The following PHAX variants were observed in gnomAD, a reference collection of about 807,000 sequenced individuals.
PHAX encodes phosphorylated adaptor for RNA export.
Under a neutral mutation model 41.6 loss-of-function variants are expected in PHAX, and 31 were observed. That is an observed-to-expected ratio of 0.75 (90% confidence interval 0.56 to 1.01). The LOEUF (loss-of-function observed/expected upper bound fraction) is 1.01, where lower values mean the gene tolerates loss of function less well. PHAX is among the 50% of genes least tolerant of loss of function. PHAX has a pLI of 0.00. For synonymous variants in PHAX, 175 were observed against 164.9 expected, an observed-to-expected ratio of 1.06 and a Z score of -0.47; for missense variants, 453 against 472.9, an observed-to-expected ratio of 0.96 and a Z score of 0.39.
chr5:126,608,799 G>C (rs1387281877), intron 3 of PHAX, among the ~76,000 whole-genome samples: 3 of 151,980 alleles, frequency 2.0e-5, no homozygotes, highest in South Asian at 4.2e-4. Flanking sequence ...AGCCAAGCGT[G>C]GTGGCACATA....
At chr5:126,604,588 T>A (rs1294168743) in intron 2 of PHAX, among the ~76,000 whole-genome samples, 1 of 151,594 alleles carries the variant, frequency 6.6e-6, no homozygotes. Context: ...TTTATTTATT[T>A]GAGAAAGGAT....
chr5:126,609,095 A>AT (rs761125079), intron 3 of PHAX, among the ~76,000 whole-genome samples: 8,848 of 101,088 alleles, frequency 0.088, 860 homozygotes, highest in African/African-American at 0.17. Context: ...TAGGGGTTGA[A>AT]TTTTTTTTTT....
chr5:126,604,204 T>C, intron 2 of PHAX, 21 bp downstream of exon 2: 1 of 1,511,786 alleles, frequency 6.6e-7, no homozygotes. Context: ...GAATTACAAA[T>C]AAGTACTTGA....
At chr5:126,609,417 A>G (rs1752043841) in intron 3 of PHAX, among the ~76,000 whole-genome samples, 1 of 152,020 alleles carries the variant, frequency 6.6e-6, no homozygotes, top group South Asian at 2.1e-4. Context: ...TTGAAGTTTT[A>G]AGACGACAAA....
intron 3 of PHAX, among the ~76,000 whole-genome samples, chr5:126,609,166 TCTCGGCTCACTGCAAC>T (rs1212689080): frequency 7.3e-6 from 1 of 136,504 alleles, no homozygotes; most frequent in African/African-American, 2.8e-5. Context: ...AGTGGCGCAA[TCTCGGCTCACTGCAAC>T]CTCCGCCTCC....
At chr5:126,603,319 G>C (rs372026603) in intron 1 of PHAX, among the ~76,000 whole-genome samples, 2 of 152,192 alleles carry the variant, frequency 1.3e-5, no homozygotes, top group South Asian at 4.1e-4. Context: ...GGTGACAAGA[G>C]CTTTGGTAAT....
chr5:126,623,085 GAC>G (rs1476855722), intron 4 of PHAX, among the ~76,000 whole-genome samples: 3 of 151,396 alleles, frequency 2.0e-5, no homozygotes, highest in Non-Finnish European at 4.4e-5. Context: ...GAGATCAGAC[GAC>G]TACACTCCAG....
At chr5:126,610,791 C>A (rs1453086592) in intron 3 of PHAX, among the ~76,000 whole-genome samples, 1 of 152,072 alleles carries the variant, frequency 6.6e-6, no homozygotes, top group Admixed American at 6.6e-5. Flanking sequence ...ACTGTATCCT[C>A]CACCTCCCAG....
chr5:126,608,619 A>G (rs2112831383), intron 3 of PHAX, 135 bp downstream of exon 3: 1 of 686,960 alleles, frequency 1.5e-6, no homozygotes, highest in Admixed American at 2.8e-5. Flanking sequence ...TTTTTAAACT[A>G]TTATCAACAA....
chr5:126,611,743 A>G (rs1752104896), intron 3 of PHAX, among the ~76,000 whole-genome samples: 1 of 151,570 alleles, frequency 6.6e-6, no homozygotes, highest in African/African-American at 2.4e-5. Context: ...GTGAACTGTA[A>G]TCGTGCCACT....
rs903790705 is a variant in PHAX at position 126,624,653 on chromosome 5, A to G, written c.994A>G (p.Lys332Glu). The G allele has an allele frequency of 5.6e-6, 9 of 1,613,082 alleles. No homozygotes were observed. Among genetic ancestry groups the G allele is most frequent in the African/African-American group, 1.3e-5 (1 of 74,928 alleles). ...ARKRRTQVLGKKMKQAIKSLN... is the reference protein window; with the variant it reads ...ARKRRTQVLGEKMKQAIKSLN... ...GAAGAGGAGAACACAAGTGTTGGGG[A>G]AAAAGATGAAACAAGCTATTAAAAG... Residue 332 changes from lysine (K) to glutamate (E), a missense_variant, in exon 5 of 5, where the codon AAA becomes GAA. Transcript: ENST00000297540.
intron 4 of PHAX, among the ~76,000 whole-genome samples, chr5:126,617,690 A>T (rs1433069945): frequency 6.6e-6 from 1 of 151,888 alleles, no homozygotes. Context: ...TATTGGCCAG[A>T]CTGGTCTCAA....
At chr5:126,606,573 T>G (rs914983891) in intron 2 of PHAX, among the ~76,000 whole-genome samples, 15 of 152,232 alleles carry the variant, frequency 9.9e-5, no homozygotes, top group African/African-American at 3.1e-4. Flanking sequence ...TATTGAATAT[T>G]CTACTTTTTG....
rs112686673 is a variant in PHAX at position 126,611,047 on chromosome 5, CGTTT to C, written c.831+2584_831+2587del. Among the ~76,000 whole-genome samples the C allele has an allele frequency of 1.4e-3, 197 of 143,272 alleles. 1 individual carries two copies. Among genetic ancestry groups the C allele is most frequent in the African/African-American group, 4.7e-3 (177 of 37,972 alleles). 94.0% of individuals were successfully genotyped at this position (143,272 alleles called of 152,430 possible). On this transcript the variant is annotated intron_variant, in intron 3 of 4. Transcript: ENST00000297540. ...TTTTTTTTTTTGTTTTTTTTCTTTT[CGTTT>C]GTTTGTTTGTTTGTTTGTTTTGAGA... is the stretch of plus-strand genomic sequence containing the variant.
chr5:126,619,101 A>AT (rs1406467493), intron 4 of PHAX, among the ~76,000 whole-genome samples: 1 of 151,760 alleles, frequency 6.6e-6, no homozygotes, highest in Non-Finnish European at 1.5e-5. Context: ...TAATTTTTGT[A>AT]TTTTTTGTAG....
At chr5:126,622,254 C>T (rs1752283241) in intron 4 of PHAX, among the ~76,000 whole-genome samples, 1 of 152,076 alleles carries the variant, frequency 6.6e-6, no homozygotes, top group South Asian at 2.1e-4. Context: ...CTGCCTCAGC[C>T]TCCCAAGTAG....
intron 3 of PHAX, among the ~76,000 whole-genome samples, chr5:126,612,662 T>C (rs998354928): frequency 2.6e-5 from 4 of 151,896 alleles, no homozygotes; most frequent in African/African-American, 9.7e-5. Context: ...GATTGCGCCA[T>C]TGGACTCCAG....
chr5:126,604,311 C>G (rs1226530177), intron 2 of PHAX, 128 bp downstream of exon 2: 2 of 866,206 alleles, frequency 2.3e-6, no homozygotes, highest in African/African-American at 2.5e-5. Flanking sequence ...GGGTCTTGCT[C>G]TGTCACCCAG....
At chr5:126,616,700 C>G (rs150804305) in intron 3 of PHAX, among the ~76,000 whole-genome samples, 1 of 151,674 alleles carries the variant, frequency 6.6e-6, no homozygotes, top group Non-Finnish European at 1.5e-5. Context: ...GCCAACATGG[C>G]GAAACCCCGT....
Sources: allele counts gnomAD v4.1 joint callset (sites outside exome capture counted in the v4.1 genomes callset), GRCh38; gene constraint gnomAD v4.1.1; transcripts MANE v1.5; gene names NCBI Gene and HGNC (gene_info 2026-07-23, HGNC 2026-07-21).